The following ZFYVE16 variants were observed in gnomAD, a reference collection of about 807,000 sequenced individuals.
ZFYVE16 encodes the protein zinc finger FYVE-type containing 16, also known as zinc finger FYVE domain-containing protein 16.
In ZFYVE16, 89 loss-of-function variants were observed where a neutral mutation model predicts 138.1. That is an observed-to-expected ratio of 0.64 (90% CI 0.54 to 0.77). The LOEUF is 0.77. Among genes scored for constraint, ZFYVE16 ranks in the 30% least tolerant of loss-of-function variants. The pLI is 0.00. For missense variants in ZFYVE16, 1,793 were observed against 1,786.7 expected (o/e 1.00, Z -0.06); for synonymous variants, 596 against 618.3 (o/e 0.96, Z 0.53).
Position 80,437,565 on chromosome 5 carries a change from A to C in ZFYVE16, c.880A>C (p.Lys294Gln). Residue 294 changes from lysine to glutamine, a missense_variant, in exon 4 of 19, where the codon AAA becomes CAA. By Grantham distance (53) the Lys-to-Gln change is moderately conservative. Around this residue, in one of 2 missense-constraint regions of ZFYVE16, gnomAD observed 1,295 missense variants for 1,204.3 expected, o/e 1.08. Transcript: ENST00000505560. ...VAVITAAECL[K>Q]EEGKTSALTC... ...AGTCATAACTGCCGCAGAATGTTTA[A>C]AAGAAGAGGGCAAGACAAGTGCTTT... 2 of 1,614,108 alleles carry C rather than the reference A, an allele frequency of 1.2e-6. No homozygotes were observed. The highest frequency in any genetic ancestry group is 1.7e-6 in the Non-Finnish European group (2 of 1,180,002).
At position 80,438,436 on chromosome 5, in the gene ZFYVE16, G is replaced by A. The variant is rs1452946199; in HGVS notation, c.1751G>A (p.Gly584Glu). Residue 584 changes from glycine (G) to glutamate (E), a missense_variant, in exon 4 of 19, where the codon GGA becomes GAA. This residue lies in a region of ZFYVE16 where 1,295 missense variants were observed against 1,204.3 expected (regional missense o/e 1.08). Transcript: ENST00000505560. ...AATATATATTTCAATGCAGAAGCAG[G>A]AGCTATTGGGGAAAGTCATGGTATT... ...INNIYFNAEA[G>E]AIGESHGINI... 6 of 1,613,862 alleles carry A rather than the reference G, an allele frequency of 3.7e-6. No homozygotes were observed. The South Asian group carries it at 6.6e-5, about 18-fold the overall frequency.
chr5:80,478,665 A>G lies in ZFYVE16; in HGVS notation c.*1288A>G, dbSNP rs1755120839. On this transcript the variant is annotated 3_prime_UTR_variant, in exon 19 of 19. Transcript: ENST00000505560. ...TTATGTTAAATAGCCCTGTTTTAAGAAAAATATTTATGAAGCATCTCAACT... is the reference window on the plus strand; with the variant it reads ...TTATGTTAAATAGCCCTGTTTTAAGGAAAATATTTATGAAGCATCTCAACT... The G allele has an allele frequency of 6.6e-6, 1 of 152,094 alleles. No homozygotes were observed. The allele number at this position is 152,094 out of a possible 1,614,324, so 9.4% of individuals were successfully genotyped here. A position where few individuals can be genotyped will look rare whatever the true frequency, so the allele number is the denominator to read the frequency against.
chr5:80,439,315 A>T (rs527999886), intron 4 of ZFYVE16, among the ~76,000 whole-genome samples: 2 of 152,338 alleles, frequency 1.3e-5, no homozygotes, highest in South Asian at 4.1e-4. Context: ...CACATTAAAT[A>T]TTCCAGATTT....
At chr5:80,423,685 G>A (rs1228065850) in intron 1 of ZFYVE16, among the ~76,000 whole-genome samples, 1 of 151,846 alleles carries the variant, frequency 6.6e-6, no homozygotes, top group African/African-American at 2.4e-5. Context: ...ACGGGCACCC[G>A]CCACCATGCC....
chr5:80,469,783 A>C (rs1261381083), intron 15 of ZFYVE16, among the ~76,000 whole-genome samples: 1 of 142,772 alleles, frequency 7.0e-6, no homozygotes. Flanking sequence ...GATACTTTTC[A>C]CTGATTTTTC....
At chr5:80,449,570 T>C in intron 8 of ZFYVE16, 21 bp from the exon 9 acceptor site, 1 of 1,598,790 alleles carries the variant, frequency 6.3e-7, no homozygotes, top group Non-Finnish European at 8.5e-7. Context: ...TCCTGATTAA[T>C]ATATTACTTT....
At chr5:80,428,300 A>G (rs1580157865) in intron 2 of ZFYVE16, among the ~76,000 whole-genome samples, 1 of 152,180 alleles carries the variant, frequency 6.6e-6, no homozygotes, top group Admixed American at 6.5e-5. Context: ...CTGTTCAGCA[A>G]CATTCACTGT....
Position 80,436,929 on chromosome 5 carries a change from G to A in ZFYVE16, c.244G>A (p.Glu82Lys), listed in dbSNP as rs17852838. Residue 82 changes from glutamate to lysine, a missense_variant, in exon 4 of 19, where the codon GAA becomes AAA. Glu to Lys is a moderately conservative substitution (Grantham distance 56). Coordinates refer to ENST00000505560, the MANE Select transcript of ZFYVE16 (RefSeq NM_001284236.3). Reference protein sequence around the residue: ...SYGTNESSLNEKTLKGLTSIQ... With the variant: ...SYGTNESSLNKKTLKGLTSIQ... ...TGGAACAAATGAGAGTTCCCTGAATGAAAAAACACTCAAGGGACTTACTTC... is the reference window on the plus strand; with the variant it reads ...TGGAACAAATGAGAGTTCCCTGAATAAAAAAACACTCAAGGGACTTACTTC... The A allele has an allele frequency of 6.2e-7, 1 of 1,613,862 alleles. No individual in the cohort carries two copies. The highest frequency in any genetic ancestry group is 8.5e-7 in the Non-Finnish European group (1 of 1,179,934).
rs1473951126 is a variant in ZFYVE16 at position 80,437,949 on chromosome 5, G to A, written c.1264G>A (p.Val422Ile). Residue 422 changes from valine (V) to isoleucine (I), a missense_variant, in exon 4 of 19, where the codon GTT (valine) becomes ATT (isoleucine). Physicochemically the swap from Val to Ile is conservative, Grantham distance 29 (BLOSUM62 3). Coordinates refer to ENST00000505560, the MANE Select transcript of ZFYVE16 (RefSeq NM_001284236.3). ...ACATGAAGAAATACAGAACAGTGTT[G>A]TTCTAGGTGGGGAACCATTCAAAGA... ...TIHEEIQNSV[V>I]LGGEPFKEND... 1.9e-6 allele frequency: 3 copies of A among 1,614,028 alleles called. No homozygotes were observed. The highest frequency in any genetic ancestry group is 1.3e-5 in the African/African-American group (1 of 75,038).
chr5:80,455,927 A>G (rs369317722), intron 12 of ZFYVE16, 153 bp downstream of exon 12: 2 of 679,316 alleles, frequency 2.9e-6, no homozygotes, highest in African/African-American at 1.9e-5. Context: ...TTTTAACATT[A>G]GTGCTCAGTT....
At chr5:80,439,049 C>T in intron 4 of ZFYVE16, 42 bp downstream of exon 4, 1 of 1,534,496 alleles carries the variant, frequency 6.5e-7, no homozygotes. Flanking sequence ...TCTTTTGAGA[C>T]ATTTTAAACA....
chr5:80,459,332 C>T, intron 14 of ZFYVE16, 82 bp from the exon 15 acceptor site: 1 of 1,134,126 alleles, frequency 8.8e-7, no homozygotes, highest in Non-Finnish European at 1.3e-6. Flanking sequence ...TACTTATATG[C>T]ATATCCACAT....
chr5:80,436,127 C>G (rs1749870437), intron 3 of ZFYVE16, among the ~76,000 whole-genome samples: 1 of 152,222 alleles, frequency 6.6e-6, no homozygotes, highest in Non-Finnish European at 1.5e-5. Context: ...CAGATTCACA[C>G]TGACAAGTCT....
intron 13 of ZFYVE16, 138 bp from the exon 14 acceptor site, chr5:80,456,807 G>T: frequency 9.4e-7 from 1 of 1,067,212 alleles, no homozygotes; most frequent in Non-Finnish European, 1.3e-6. Flanking sequence ...TAAAACATTT[G>T]TTTCCATCAC....
intron 1 of ZFYVE16, among the ~76,000 whole-genome samples, chr5:80,423,395 G>A (rs259026): frequency 0.87 from 133,122 of 152,160 alleles, 58,965 homozygotes; most frequent in Non-Finnish European, 0.94. Flanking sequence ...GTAATTGATC[G>A]TTTATGTCTC....
chr5:80,433,447 A>T (rs543699981), intron 2 of ZFYVE16, among the ~76,000 whole-genome samples: 4 of 152,018 alleles, frequency 2.6e-5, no homozygotes, highest in Admixed American at 2.6e-4. Flanking sequence ...TGGTGTGGGG[A>T]GATGTGGGAG....
chr5:80,408,940 A>G (rs913882626), intron 1 of ZFYVE16, among the ~76,000 whole-genome samples: 1 of 151,662 alleles, frequency 6.6e-6, no homozygotes, highest in African/African-American at 2.4e-5. Context: ...CGGGAGTTTA[A>G]TGGTTTAATC....
rs1254272544 is a variant in ZFYVE16, at chr5:80,416,289, T to C, written c.-94+8136T>C. On this transcript the variant is annotated intron_variant, in intron 1 of 18. Transcript: ENST00000505560. ...TTTTTTTTTTGAGACAAAGTCTCGC[T>C]CTGTTGCCCAGGCTGGAGTGCAGTG... Among the ~76,000 whole-genome samples, 4 of 142,594 alleles carry C rather than the reference T, an allele frequency of 2.8e-5. No homozygotes were observed. The East Asian group carries it at 8.4e-4, about 30-fold the overall frequency. 93.5% of individuals were successfully genotyped at this position (142,594 alleles called of 152,430 possible).
In ZFYVE16 at chr5:80,438,225, G is replaced by A; in HGVS notation, c.1540G>A (p.Asp514Asn). The change falls in exon 4 of 19, where the codon GAT (aspartate) becomes AAT (asparagine). Residue 514 changes from aspartate (D) to asparagine (N), a missense_variant. This residue lies in a region of ZFYVE16 where 1,295 missense variants were observed against 1,204.3 expected (regional missense o/e 1.08). Coordinates refer to ENST00000505560, the MANE Select transcript of ZFYVE16 (RefSeq NM_001284236.3). Reference sequence around the variant, plus strand: ...CAATGATATGGATGGGCAAGACTTAGATTACTTTAATATTGATGAAGGCGC... The same window carrying A: ...CAATGATATGGATGGGCAAGACTTAAATTACTTTAATATTGATGAAGGCGC... The part of the protein sequence containing the change: ...SSNDMDGQDL[D>N]YFNIDEGAKS... 6.2e-7 allele frequency: 1 copy of A among 1,613,984 alleles called. No individual in the cohort carries two copies. Among genetic ancestry groups the A allele is most frequent in the South Asian group, 1.1e-5 (1 of 91,070 alleles).
Sources: allele counts gnomAD v4.1 joint callset (sites outside exome capture counted in the v4.1 genomes callset), GRCh38; gene constraint gnomAD v4.1.1; regional missense constraint gnomAD v4.1.1; transcripts MANE v1.5; gene names NCBI Gene and HGNC (gene_info 2026-07-23, HGNC 2026-07-21).